Variants in NOD2 observed in about 807,000 individuals in gnomAD.
NOD2 encodes the protein nucleotide-binding oligomerization domain-containing protein 2.
A neutral mutation model predicts 90.9 loss-of-function variants in NOD2; 86 were observed. That is an observed-to-expected ratio of 0.95 (90% CI 0.79 to 1.13). The LOEUF (loss-of-function observed/expected upper bound fraction) is 1.13, where lower values mean the gene tolerates loss of function less well. Ranked by LOEUF, NOD2 falls within the 50% of genes most tolerant of loss-of-function variation. NOD2 has a pLI of 0.00. For synonymous variants in NOD2, 581 were observed against 554.6 expected (o/e 1.05, Z -0.67); for missense variants, 1,238 against 1,283.8 (o/e 0.96, Z 0.55).
chr16:50,716,228 A>G (rs1167985212), intron 4 of NOD2, among the ~76,000 whole-genome samples: 1 of 152,328 alleles, frequency 6.6e-6, no homozygotes, highest in Non-Finnish European at 1.5e-5. Context: ...CCTTTCGCAT[A>G]TATCAGCTCC....
chr16:50,725,602 A>G (rs1216464885), intron 10 of NOD2, 30 bp downstream of exon 10: 2 of 1,549,936 alleles, frequency 1.3e-6, no homozygotes, highest in Admixed American at 3.3e-5. Flanking sequence ...GAAACAGGAC[A>G]ATAATTGCTG....
chr16:50,696,678 A>G (rs767648951), intron 1 of NOD2, among the ~76,000 whole-genome samples: 1 of 152,172 alleles, frequency 6.6e-6, no homozygotes, highest in Non-Finnish European at 1.5e-5. Context: ...TCCTCCCCAG[A>G]TGTTTAAGAT....
intron 6 of NOD2, among the ~76,000 whole-genome samples, chr16:50,719,194 C>T (rs1489399957): frequency 1.3e-5 from 2 of 152,270 alleles, no homozygotes; most frequent in East Asian, 1.9e-4. Context: ...ACCTGAAAGG[C>T]GAGTTCTCCT....
intron 3 of NOD2, among the ~76,000 whole-genome samples, chr16:50,708,574 G>C (rs1222232768): frequency 1.3e-5 from 2 of 152,232 alleles, no homozygotes; most frequent in Non-Finnish European, 2.9e-5. Flanking sequence ...TGACGAGGGA[G>C]GGGAAGATGG....
At chr16:50,693,987 C>G (rs1470774864) in intron 1 of NOD2, among the ~76,000 whole-genome samples, 1 of 152,116 alleles carries the variant, frequency 6.6e-6, no homozygotes, top group Non-Finnish European at 1.5e-5. Context: ...CTGCTGCTCT[C>G]TGTACCTCTT....
chr16:50,712,413 C>T lies in NOD2; in HGVS notation c.2381+40C>T, dbSNP rs767323797. On this transcript the variant is annotated intron_variant, in intron 4 of 11. Coordinates refer to ENST00000647318, the MANE Select transcript of NOD2 (RefSeq NM_001370466.1). ...GCATTGCTGTTCAGGTATGGGGGAG[C>T]ACCATCAAGGCTAAGTGTGGGAGCA... 9.9e-6 allele frequency: 16 copies of T among 1,609,770 alleles called. No individual in the cohort carries two copies. In the Admixed American group the frequency reaches 2.7e-4, roughly 27 times the overall value.
In NOD2 at chr16:50,699,959, G is replaced by A. The variant is rs751543170; in HGVS notation, c.459+5G>A. On this transcript the variant is annotated splice_donor_5th_base_variant and intron_variant, in intron 2 of 11. Transcript: ENST00000647318. ...ATCTTCACACCGTCCCAGAGGGTGA[G>A]GCACTCCTGGTGTGCATCACAGAGT... The A allele has an allele frequency of 5.0e-6, 8 of 1,601,640 alleles. No homozygotes were observed. The highest frequency in any genetic ancestry group is 6.8e-6 in the Non-Finnish European group (8 of 1,178,096).
At chr16:50,731,202 T>C (rs866404241) in intron 11 of NOD2, among the ~76,000 whole-genome samples, 1 of 152,324 alleles carries the variant, frequency 6.6e-6, no homozygotes, top group South Asian at 2.1e-4. Context: ...CAAAAATCTA[T>C]GCTGTGATGG....
Position 50,711,990 on chromosome 16 carries a change from C to A in NOD2, c.1998C>A (p.Cys666Ter). 6.2e-7 allele frequency: 1 copy of A among 1,613,324 alleles called. No individual in the cohort carries two copies. Among genetic ancestry groups the A allele is most frequent in the Non-Finnish European group, 8.5e-7 (1 of 1,179,896 alleles). ...SREHWGLLAE[C>*]QTSEKALLRR... ...AGCACTGGGGCCTGCTGGCTGAGTG[C>A]CAGACATCTGAGAAGGCCCTGCTCC... The change falls in exon 4 of 12, where the codon TGC (cysteine) becomes TGA (stop). Residue 666 changes from cysteine (C) to a stop codon, truncating the protein, a stop_gained. Coordinates refer to ENST00000647318, the MANE Select transcript of NOD2 (RefSeq NM_001370466.1). LOFTEE classifies it high-confidence loss of function.
At position 50,722,630 on chromosome 16, in the gene NOD2, G is replaced by C. The variant is rs142376491; in HGVS notation, c.2642G>C (p.Gly881Ala). 1 of 1,614,090 alleles carries C rather than the reference G, an allele frequency of 6.2e-7. No individual in the cohort carries two copies. The highest frequency in any genetic ancestry group is 1.3e-5 in the African/African-American group (1 of 74,932). The stretch of plus-strand genomic sequence containing the variant: ...TCTTTTGGCCTTTTCAGATTCTGGG[G>C]CAACAGAGTGGGTGACGAGGGGGCC... ...NTSLQFLGFW[G>A]NRVGDEGAQA... Residue 881 changes from glycine (G) to alanine (A), a missense_variant, in exon 8 of 12, where the codon GGC becomes GCC. This residue lies in a region of NOD2 where 667 missense variants were observed against 688.7 expected (regional missense o/e 0.97). Coordinates refer to ENST00000647318, the MANE Select transcript of NOD2 (RefSeq NM_001370466.1).
chr16:50,711,669 G>A lies in NOD2; in HGVS notation c.1677G>A (p.Val559=), dbSNP rs369719210. 1.9e-6 allele frequency: 3 copies of A among 1,613,474 alleles called. No individual in the cohort carries two copies. The highest frequency in any genetic ancestry group is 1.7e-5 in the Admixed American group (1 of 60,014). Residue 559 remains valine (V), a synonymous_variant, in exon 4 of 12, where the codon GTG becomes GTA. Transcript: ENST00000647318. ...SPDDISLGFL[V]RAKGVVPGST... ...ATGACATTTCTCTTGGCTTCCTGGT[G>A]CGTGCCAAAGGTGTCGTGCCAGGGA...
intron 4 of NOD2, among the ~76,000 whole-genome samples, chr16:50,714,778 A>G (rs1477831473): frequency 1.3e-5 from 2 of 152,090 alleles, no homozygotes; most frequent in Non-Finnish European, 2.9e-5. Flanking sequence ...AGCCTCTAGG[A>G]AACCCTATAT....
chr16:50,720,799 T>TTTTTG (rs776002601), intron 7 of NOD2, among the ~76,000 whole-genome samples: 12 of 152,058 alleles, frequency 7.9e-5, no homozygotes, highest in African/African-American at 2.4e-4. Flanking sequence ...CAAGCTCAGT[T>TTTTTG]TTTTGTTTTG....
At chr16:50,721,051 C>T (rs929549355) in intron 7 of NOD2, among the ~76,000 whole-genome samples, 27 of 151,668 alleles carry the variant, frequency 1.8e-4, no homozygotes, top group African/African-American at 5.3e-4. Context: ...ATGATCCGCC[C>T]GCCTCGGCCT....
chr16:50,711,085 G>A lies in NOD2; in HGVS notation c.1093G>A (p.Glu365Lys), dbSNP rs763868196. ...DEFKFRFTDR[E>K]RHCSPTDPTS... ...GTTCAAGTTCAGGTTCACGGATCGT[G>A]AACGCCACTGCTCCCCGACCGACCC... Residue 365 changes from glutamate to lysine, a missense_variant, in exon 4 of 12, where the codon GAA becomes AAA. By Grantham distance (56) the Glu-to-Lys change is moderately conservative (BLOSUM62 1). Transcript: ENST00000647318. 4.3e-6 allele frequency: 7 copies of A among 1,614,022 alleles called. No individual in the cohort carries two copies. In the Admixed American group the frequency reaches 5.0e-5, roughly 12 times the overall value.
At chr16:50,712,762 C>T in intron 4 of NOD2, 1 of 305,018 alleles carries the variant, frequency 3.3e-6, no homozygotes, top group Non-Finnish European at 6.3e-6. Flanking sequence ...GGTTTTCTGC[C>T]TCCCACCAGT....
chr16:50,712,073 C>A lies in NOD2; in HGVS notation c.2081C>A (p.Ser694Tyr). 6.2e-7 allele frequency: 1 copy of A among 1,613,542 alleles called. No homozygotes were observed. ...CGCAGCCTCCGCAAGCACTTCCACTCCATCCCGCCAGCTGCACCGGGTGAG... is the reference window on the plus strand; with the variant it reads ...CGCAGCCTCCGCAAGCACTTCCACTACATCCCGCCAGCTGCACCGGGTGAG... ...LARSLRKHFH[S>Y]IPPAAPGEAK... is the part of the protein sequence containing the mutation. Residue 694 changes from serine (S) to tyrosine (Y), a missense_variant, in exon 4 of 12, where the codon TCC becomes TAC. Around this residue, in one of 3 missense-constraint regions of NOD2, gnomAD observed 667 missense variants for 688.7 expected, o/e 0.97. Transcript: ENST00000647318.
Position 50,714,647 on chromosome 16 carries a change from A to T in NOD2, c.2382-1940A>T, listed in dbSNP as rs79541155. Among the ~76,000 whole-genome samples the T allele has an allele frequency of 1.9e-3, 273 of 140,650 alleles. 1 individual carries two copies. The highest frequency in any genetic ancestry group is 6.8e-3 in the African/African-American group (249 of 36,878). 92.3% of individuals were successfully genotyped at this position (140,650 alleles called of 152,430 possible). ...GTGTGTGTGTGTGTGTGTGTGTATGAGAGAGAGAGAGAGATTGAGAAAGAG... is the reference window on the plus strand; with the variant it reads ...GTGTGTGTGTGTGTGTGTGTGTATGTGAGAGAGAGAGAGATTGAGAAAGAG... On this transcript the variant is annotated intron_variant, in intron 4 of 11. Coordinates refer to ENST00000647318, the MANE Select transcript of NOD2 (RefSeq NM_001370466.1).
At chr16:50,706,765 C>T (rs1327544908) in intron 2 of NOD2, among the ~76,000 whole-genome samples, 5 of 148,934 alleles carry the variant, frequency 3.4e-5, no homozygotes, top group South Asian at 2.1e-4. Flanking sequence ...GGTGTGATCT[C>T]GGCTCACTGC....
Sources: gnomAD v4.1 joint callset for allele counts (sites outside exome capture counted in the v4.1 genomes callset) on GRCh38, gnomAD v4.1.1 for gene constraint, gnomAD v4.1.1 regional missense constraint, MANE v1.5 for transcripts, NCBI Gene and HGNC (gene_info 2026-07-23, HGNC 2026-07-21) for gene names.